CCDC14: variants seen among roughly 807,000 people sequenced by gnomAD.
CCDC14 encodes the protein coiled-coil domain-containing protein 14.
In CCDC14, 71 loss-of-function variants were observed where a neutral mutation model predicts 81.4. That is an observed-to-expected ratio of 0.87 (90% CI 0.72 to 1.06). The LOEUF (loss-of-function observed/expected upper bound fraction) is 1.06, where lower values mean the gene tolerates loss of function less well. Among genes scored for constraint, CCDC14 ranks in the 50% least tolerant of loss-of-function variants. The pLI is 0.00. For missense variants in CCDC14, 1,046 were observed against 1,047.3 expected, an observed-to-expected ratio of 1.00 and a Z score of 0.02; for synonymous variants, 332 against 364.8, an observed-to-expected ratio of 0.91 and a Z score of 1.03.
At position 123,919,982 on chromosome 3, in the gene CCDC14, T is replaced by A. The variant is rs560075085; in HGVS notation, c.1779-4264A>T. ...CTTCTCTTTAAAATGTTCAGGGAAC[T>A]ACAAGAAAATATAGATAAAAAATTA... On this transcript the variant is annotated intron_variant, in intron 12 of 12. Coordinates refer to ENST00000409697, the MANE Select transcript of CCDC14 (RefSeq NM_001366335.1). Among the ~76,000 whole-genome samples, 3 of 152,212 alleles carry A rather than the reference T, an allele frequency of 2.0e-5. No homozygotes were observed. The East Asian group carries it at 5.8e-4, about 29-fold the overall frequency.
At chr3:123,919,990 A>T (rs2034947503) in intron 12 of CCDC14, among the ~76,000 whole-genome samples, 2 of 152,206 alleles carry the variant, frequency 1.3e-5, no homozygotes, top group South Asian at 4.1e-4. Context: ...ACTACAAGAA[A>T]ATATAGATAA....
At chr3:123,913,371 C>G, downstream of CCDC14, 1 of 983,908 alleles carries the variant, frequency 1.0e-6, no homozygotes, top group Non-Finnish European at 1.2e-6. Flanking sequence ...TAAGATTTTA[C>G]TTTTGCATAT....
chr3:123,894,386 G>T (rs892517089), downstream of CCDC14, among the ~76,000 whole-genome samples: 2 of 152,228 alleles, frequency 1.3e-5, no homozygotes, highest in African/African-American at 2.4e-5. Context: ...AAATCAGGAA[G>T]TATGAAACCT....
rs2034250260 is a variant in CCDC14 at position 123,904,302 on chromosome 3, A to G, written c.668-6689T>C. On this transcript the variant is annotated intron_variant, in intron 5 of 5. Transcript: ENST00000479903. Reference sequence around the variant, plus strand: ...TCTCTGAGGTCTATATAAATCATGGACCTATATGACTTCATGAGCATGGAG... The same window carrying G: ...TCTCTGAGGTCTATATAAATCATGGGCCTATATGACTTCATGAGCATGGAG... 1.3e-5 allele frequency among the ~76,000 whole-genome samples: 2 copies of G among 152,120 alleles called. 1 individual carries two copies. Among genetic ancestry groups the G allele is most frequent in the South Asian group, 4.2e-4 (2 of 4,810 alleles).
chr3:123,919,273 C>T (rs2034900382), intron 12 of CCDC14, among the ~76,000 whole-genome samples: 1 of 152,212 alleles, frequency 6.6e-6, no homozygotes, highest in African/African-American at 2.4e-5. Flanking sequence ...ACTGGCCCTG[C>T]TCAACCTTAG....
At chr3:123,952,190 C>T (rs923106097) in intron 5 of CCDC14, among the ~76,000 whole-genome samples, 2 of 152,060 alleles carry the variant, frequency 1.3e-5, no homozygotes, top group African/African-American at 4.8e-5. Flanking sequence ...TTACTCAGTC[C>T]ACAAAACTTT....
At chr3:123,958,964 T>C (rs2037507095) in intron 1 of CCDC14, 1 of 152,194 alleles carries the variant, frequency 6.6e-6, no homozygotes, top group African/African-American at 2.4e-5. Context: ...TTGTTGCATA[T>C]GACAGCTATT....
rs948882111 is a variant in CCDC14 at position 123,913,692 on chromosome 3, CA to C, written c.*1086del. 2.8e-5 allele frequency: 27 copies of C among 978,588 alleles called. No individual in the cohort carries two copies. The highest frequency in any genetic ancestry group is 5.3e-4 in the Middle Eastern group (1 of 1,894). 60.6% of individuals were successfully genotyped at this position (978,588 alleles called of 1,614,324 possible). The stretch of plus-strand genomic sequence containing the variant: ...CACCTAAAAAAAAAAAAAAAACCAC[CA>C]AAAAAACAAAAAACACGAGGAGGTT... On this transcript the variant is annotated 3_prime_UTR_variant, in exon 13 of 13. Transcript: ENST00000409697.
downstream of CCDC14, among the ~76,000 whole-genome samples, chr3:123,911,282 C>A (rs1014555970): frequency 4.6e-5 from 7 of 152,028 alleles, no homozygotes; most frequent in African/African-American, 1.4e-4. Context: ...AAATAGTGCC[C>A]GGTTCTCTAC....
chr3:123,947,424 T>C (rs2036716969), intron 7 of CCDC14, 105 bp from the exon 8 acceptor site: 1 of 752,508 alleles, frequency 1.3e-6, no homozygotes, highest in Non-Finnish European at 2.0e-6. Flanking sequence ...AACATGTTTA[T>C]TAATATATTC....
chr3:123,933,129 C>CAAACAAACAAAA (rs60220911), intron 10 of CCDC14, among the ~76,000 whole-genome samples: 6,226 of 150,694 alleles, frequency 0.041, 214 homozygotes, highest in African/African-American at 0.063. Flanking sequence ...AACAAACAAA[C>CAAACAAACAAAA]AAAGCTGACA....
intron 5 of CCDC14, chr3:123,952,819 T>A (rs773414981): frequency 1.7e-5 from 4 of 232,012 alleles, no homozygotes; most frequent in Non-Finnish European, 4.0e-5. Context: ...GAACAAGTTA[T>A]GAGCTTGGAT....
At chr3:123,954,387 T>TA (rs920658222) in intron 5 of CCDC14, 7 of 152,170 alleles carry the variant, frequency 4.6e-5, no homozygotes, top group African/African-American at 1.4e-4. Flanking sequence ...TGCATTCTAA[T>TA]AAAATCTTAT....
chr3:123,930,816 A>T (rs2035656043), intron 12 of CCDC14: 1 of 267,984 alleles, frequency 3.7e-6, no homozygotes, highest in African/African-American at 2.2e-5. Flanking sequence ...AGATCTCTCT[A>T]GCTTCAGAAC....
chr3:123,909,246 C>T (rs1446889187), downstream of CCDC14, among the ~76,000 whole-genome samples: 1 of 152,146 alleles, frequency 6.6e-6, no homozygotes, highest in Non-Finnish European at 1.5e-5. Context: ...GACAACATTT[C>T]TTGTTATAGA....
In CCDC14 at chr3:123,956,104, T is replaced by C. The variant is rs1472880987; in HGVS notation, c.171A>G (p.Val57=). Residue 57 remains valine (V), a synonymous_variant, in exon 4 of 13, where the codon GTA becomes GTG. Coordinates refer to ENST00000409697, the MANE Select transcript of CCDC14 (RefSeq NM_001366335.1). ...AAGAAGCACAACCATCAAGCCCGTG[T>C]ACAGTTTCAGCCTGTAAGAAATAAA... ...HSDSESQAET[V]HGLDGCASLL... 3.2e-6 allele frequency: 5 copies of C among 1,546,972 alleles called. No homozygotes were observed. Among genetic ancestry groups the C allele is most frequent in the East Asian group, 2.4e-5 (1 of 40,830 alleles).
Position 123,897,520 on chromosome 3 carries a change from GT to G in CCDC14, c.760del (p.Asn254ThrfsTer?). On this transcript the variant is annotated frameshift_variant, in exon 6 of 6. Transcript: ENST00000479903. LOFTEE classifies it high-confidence loss of function. ...GACTCAGATCTCCCACCTCTTCCTT[GT>G]TCAGAGCAGTTCTGCTTTTCCGTAG... 1.3e-6 allele frequency: 1 copy of G among 767,374 alleles called. No homozygotes were observed. The highest frequency in any genetic ancestry group is 1.9e-5 in the South Asian group (1 of 51,824). 47.5% of individuals were successfully genotyped at this position (767,374 alleles called of 1,614,324 possible).
chr3:123,890,068 A>G, the CCDC14 span, among the ~76,000 whole-genome samples: 1 of 152,182 alleles, frequency 6.6e-6, no homozygotes, highest in Admixed American at 6.5e-5. Context: ...AGGCAGAGGG[A>G]GGGCTTGTGC....
chr3:123,898,071 T>A (rs1473635071), intron 5 of CCDC14, among the ~76,000 whole-genome samples: 1 of 152,204 alleles, frequency 6.6e-6, no homozygotes. Flanking sequence ...GGATAAGTAG[T>A]GCATTTCTAC....
Sources: gnomAD v4.1 joint callset for allele counts (sites outside exome capture counted in the v4.1 genomes callset) on GRCh38, gnomAD v4.1.1 for gene constraint, MANE v1.5 for transcripts, NCBI Gene and HGNC (gene_info 2026-07-23, HGNC 2026-07-21) for gene names.